Variants in ITGA6 observed in about 807,000 individuals in gnomAD.
ITGA6 encodes integrin alpha-6.
A neutral mutation model predicts 133.6 loss-of-function variants in ITGA6; 63 were observed. The observed-to-expected ratio is 0.47, with a 90% CI of 0.38 to 0.58. ITGA6 has a LOEUF of 0.58. Among genes scored for constraint, ITGA6 ranks in the 20% least tolerant of loss-of-function variants. ITGA6 has a pLI of 0.00. For synonymous variants in ITGA6, 434 were observed against 482.0 expected (o/e 0.90, Z 1.30); for missense variants, 1,068 against 1,309.4 (o/e 0.82, Z 2.85).
intron 1 of ITGA6, among the ~76,000 whole-genome samples, chr2:172,444,934 G>C (rs1042070172): frequency 5.9e-5 from 9 of 151,402 alleles, no homozygotes; most frequent in African/African-American, 2.2e-4. Flanking sequence ...CAATGTAAGC[G>C]TTTAGGCATA....
chr2:172,454,540 T>C (rs906356357), intron 1 of ITGA6, among the ~76,000 whole-genome samples: 28 of 152,100 alleles, frequency 1.8e-4, no homozygotes, highest in African/African-American at 6.5e-4. Context: ...TGAAATACTT[T>C]TACCTAAGCC....
chr2:172,463,958 G>A (rs768751098), intron 1 of ITGA6, among the ~76,000 whole-genome samples: 9 of 152,344 alleles, frequency 5.9e-5, no homozygotes, highest in Non-Finnish European at 1.0e-4. Flanking sequence ...TCTGTCCTCT[G>A]TCAAGAAGGT....
At chr2:172,501,540 T>C (rs563856005) in intron 24 of ITGA6, among the ~76,000 whole-genome samples, 1 of 152,298 alleles carries the variant, frequency 6.6e-6, no homozygotes, top group Non-Finnish European at 1.5e-5. Context: ...AAGAGAAAAA[T>C]CAATGAGCTG....
intron 9 of ITGA6, among the ~76,000 whole-genome samples, chr2:172,478,936 TG>T (rs1686300494): frequency 6.6e-6 from 1 of 152,322 alleles, no homozygotes; most frequent in South Asian, 2.1e-4. Flanking sequence ...ATTAGGTGTT[TG>T]TTGGTGTAAT....
At chr2:172,471,968 C>T (rs374547453) in intron 5 of ITGA6, among the ~76,000 whole-genome samples, 112 of 149,286 alleles carry the variant, frequency 7.5e-4, no homozygotes, top group South Asian at 6.7e-3. Flanking sequence ...AAGTAAAAAA[C>T]GAAAAAACAG....
chr2:172,472,816 A>C lies in ITGA6; in HGVS notation c.776-1239A>C, dbSNP rs377253865. 1.9e-5 allele frequency: 31 copies of C among 1,612,516 alleles called. No homozygotes were observed. The South Asian group carries it at 2.2e-4, about 11-fold the overall frequency. On this transcript the variant is annotated intron_variant, in intron 5 of 25. Transcript: ENST00000684293. The stretch of plus-strand genomic sequence containing the variant: ...AGCGTTTCCTATACAGATCCTGATC[A>C]GTTTGTTTATAAAACACGGCCTCCC...
intron 2 of ITGA6, among the ~76,000 whole-genome samples, chr2:172,466,760 C>A (rs746207574): frequency 1.3e-5 from 2 of 151,922 alleles, no homozygotes; most frequent in African/African-American, 4.8e-5. Flanking sequence ...AACATTTTGG[C>A]ATTTTTCCTT....
At chr2:172,449,942 A>AG (rs1553529103) in intron 1 of ITGA6, among the ~76,000 whole-genome samples, 7 of 147,162 alleles carry the variant, frequency 4.8e-5, no homozygotes, top group Admixed American at 6.8e-5. Flanking sequence ...AAAAAAAAAA[A>AG]AGAGAGAGAA....
At chr2:172,498,338 C>T (rs148946781) in intron 24 of ITGA6, among the ~76,000 whole-genome samples, 1,695 of 152,260 alleles carry the variant, frequency 0.011, 16 homozygotes, top group Non-Finnish European at 0.017. Context: ...TTGTCTCTCA[C>T]ACATAATTTA....
chr2:172,472,184 C>T (rs1054328888), intron 5 of ITGA6, among the ~76,000 whole-genome samples: 3 of 152,188 alleles, frequency 2.0e-5, no homozygotes, highest in East Asian at 1.9e-4. Context: ...ATTAGCCAGG[C>T]GTGGTGGTAC....
chr2:172,475,616 G>A lies in ITGA6; in HGVS notation c.1200G>A (p.Pro400=), dbSNP rs575316088. ...DGYPDIAVGA[P]YDDLGKVFIY... is the part of the protein sequence containing the mutation. ...CAACAGATATTGCAGTTGGAGCTCC[G>A]TATGATGACTTGGGAAAGGTTTTTA... The change falls in exon 8 of 26, where the codon CCG becomes CCA. Residue 400 remains proline (P), a synonymous_variant. Transcript: ENST00000684293. 1.4e-5 allele frequency: 23 copies of A among 1,602,070 alleles called. No individual in the cohort carries two copies. In the East Asian group the frequency reaches 3.3e-4, roughly 23 times the overall value.
In ITGA6 at chr2:172,485,106, A is replaced by G. The variant is rs1244026829; in HGVS notation, c.1711-15A>G. 2.5e-6 allele frequency: 4 copies of G among 1,613,844 alleles called. No individual in the cohort carries two copies. Among genetic ancestry groups the G allele is most frequent in the Non-Finnish European group, 3.4e-6 (4 of 1,179,792 alleles). The stretch of plus-strand genomic sequence containing the variant: ...GTACACCCCACTTAACTCTGACTGC[A>G]TGCTTTTCATGCAGGATAATATCAG... On this transcript the variant is annotated splice_polypyrimidine_tract_variant and intron_variant, in intron 12 of 25. Coordinates refer to ENST00000684293, the MANE Select transcript of ITGA6 (RefSeq NM_000210.4).
At chr2:172,429,229 G>C (rs3115744) in intron 1 of ITGA6, among the ~76,000 whole-genome samples, 13,579 of 152,018 alleles carry the variant, frequency 0.089, 777 homozygotes, top group East Asian at 0.15. Context: ...ATTAGCTGGG[G>C]GTGGGGAGGC....
Position 172,442,778 on chromosome 2 carries a change from A to G in ITGA6, c.182+14808A>G, listed in dbSNP as rs544639794. ...CCTCTGGAACGGGCTGTAAAAATCAATCTTTGACTCTTTGCCAGCAACTGC... is the reference window on the plus strand; with the variant it reads ...CCTCTGGAACGGGCTGTAAAAATCAGTCTTTGACTCTTTGCCAGCAACTGC... On this transcript the variant is annotated intron_variant, in intron 1 of 25. Coordinates refer to ENST00000684293, the MANE Select transcript of ITGA6 (RefSeq NM_000210.4). 2.6e-5 allele frequency among the ~76,000 whole-genome samples: 4 copies of G among 152,158 alleles called. 1 individual carries two copies. Among genetic ancestry groups the G allele is most frequent in the African/African-American group, 4.8e-5 (2 of 41,500 alleles).
chr2:172,472,467 C>T (rs1031691759), intron 5 of ITGA6, among the ~76,000 whole-genome samples: 1 of 152,198 alleles, frequency 6.6e-6, no homozygotes, highest in Non-Finnish European at 1.5e-5. Flanking sequence ...AAATATGAAG[C>T]ATTTTTTCTC....
rs138908657 is a variant in ITGA6 at position 172,476,499 on chromosome 2, A to G, written c.1374A>G (p.Ser458=). 1,223 of 1,581,554 alleles carry G rather than the reference A, an allele frequency of 7.7e-4. 1 individual carries two copies. Among genetic ancestry groups the G allele is most frequent in the Non-Finnish European group, 1.0e-3 (1,190 of 1,150,500 alleles). The change falls in exon 9 of 26, where the codon TCA becomes TCG. Residue 458 remains serine (S), a synonymous_variant. Coordinates refer to ENST00000684293, the MANE Select transcript of ITGA6 (RefSeq NM_000210.4). ...PDVAVGSLSD[S]VTIFRSRPVI... ...TTGCTGTTGGTTCCCTCTCAGATTC[A>G]GTAACTATTTTCAGGTCTGTTATCT...
At chr2:172,472,101 T>TA (rs1685967638) in intron 5 of ITGA6, among the ~76,000 whole-genome samples, 1 of 152,288 alleles carries the variant, frequency 6.6e-6, no homozygotes, top group Non-Finnish European at 1.5e-5. Context: ...GCAGGCGGAT[T>TA]ACTTGAGGCC....
chr2:172,497,034 G>A (rs962274461), intron 23 of ITGA6, among the ~76,000 whole-genome samples: 1 of 152,164 alleles, frequency 6.6e-6, no homozygotes, highest in African/African-American at 2.4e-5. Flanking sequence ...TTCAGGAAAT[G>A]TTATTGTTTA....
At chr2:172,434,217 C>A (rs541368104) in intron 1 of ITGA6, among the ~76,000 whole-genome samples, 1 of 152,294 alleles carries the variant, frequency 6.6e-6, no homozygotes, top group Admixed American at 6.5e-5. Flanking sequence ...GTGTTTCCTT[C>A]ACAGGTTTGT....
Sources: allele counts gnomAD v4.1 joint callset (sites outside exome capture counted in the v4.1 genomes callset), GRCh38; gene constraint gnomAD v4.1.1; transcripts MANE v1.5; gene names NCBI Gene and HGNC (gene_info 2026-07-23, HGNC 2026-07-21).